The following CNOT4 variants were observed in gnomAD, a reference collection of about 807,000 sequenced individuals.
CNOT4 encodes the protein CCR4-NOT transcription complex subunit 4.
A neutral mutation model predicts 73.8 loss-of-function variants in CNOT4; 8 were observed. The observed-to-expected ratio is 0.11, with a 90% CI of 0.06 to 0.20. CNOT4 has a LOEUF of 0.20. Among genes scored for constraint, CNOT4 ranks in the 10% least tolerant of loss-of-function variants. The probability of loss-of-function intolerance (pLI) is 1.00; values close to 1 mark genes in which losing one functional copy is unlikely to be tolerated. For missense variants in CNOT4, 564 were observed against 883.4 expected (o/e 0.64, Z 4.58); for synonymous variants, 293 against 321.1 (o/e 0.91, Z 0.94).
rs118077316 is a variant in CNOT4, at chr7:135,368,161, G to A, written c.1628-4095C>T. On this transcript the variant is annotated intron_variant, in intron 10 of 11. Transcript: ENST00000541284. ...ACTTTCATATTCCACTGTGTAAGAAGTATCAGTATACTTCATTTACCTGCC... is the reference window on the plus strand; with the variant it reads ...ACTTTCATATTCCACTGTGTAAGAAATATCAGTATACTTCATTTACCTGCC... Among the ~76,000 whole-genome samples, 955 of 152,164 alleles carry A rather than the reference G, an allele frequency of 6.3e-3. 5 individuals are homozygous for A. The highest frequency in any genetic ancestry group is 0.011 in the Non-Finnish European group (740 of 67,994).
chr7:135,488,931 TA>T (rs1483505647), intron 1 of CNOT4, among the ~76,000 whole-genome samples: 2 of 151,858 alleles, frequency 1.3e-5, no homozygotes, highest in Non-Finnish European at 2.9e-5. Context: ...AAAGAGTTTT[TA>T]AAAAAAGGAA....
chr7:135,398,835 G>A (rs1355067638), intron 7 of CNOT4, among the ~76,000 whole-genome samples: 1 of 151,974 alleles, frequency 6.6e-6, no homozygotes, highest in East Asian at 1.9e-4. Context: ...ATTTTTCTGG[G>A]TGTTTGACAG....
chr7:135,460,756 C>T (rs746459495), intron 1 of CNOT4, among the ~76,000 whole-genome samples: 18 of 151,988 alleles, frequency 1.2e-4, no homozygotes, highest in Admixed American at 2.0e-4. Flanking sequence ...AGGGTTGCCA[C>T]AAACCTTCAA....
chr7:135,413,432 T>C (rs1444880496), intron 6 of CNOT4, 56 bp downstream of exon 6: 2 of 1,392,610 alleles, frequency 1.4e-6, no homozygotes, highest in African/African-American at 3.0e-5. Flanking sequence ...TGTTAACTAA[T>C]AAAAAAAAAA....
At chr7:135,428,713 GA>G (rs578026544) in intron 2 of CNOT4, among the ~76,000 whole-genome samples, 4 of 151,266 alleles carry the variant, frequency 2.6e-5, no homozygotes, top group Admixed American at 6.6e-5. Context: ...AGAAGACAGT[GA>G]AAAAAAATCT....
chr7:135,430,484 A>T (rs1018632612), intron 2 of CNOT4, among the ~76,000 whole-genome samples: 1 of 152,002 alleles, frequency 6.6e-6, no homozygotes, highest in African/African-American at 2.4e-5. Flanking sequence ...AAAGACAAAA[A>T]ATTTTTTTTA....
chr7:135,405,945 G>C (rs1185322198), intron 7 of CNOT4, among the ~76,000 whole-genome samples: 2 of 152,112 alleles, frequency 1.3e-5, no homozygotes, highest in African/African-American at 4.8e-5. Flanking sequence ...GGAATGCCAA[G>C]AAATGTGAAA....
intron 1 of CNOT4, among the ~76,000 whole-genome samples, chr7:135,482,084 G>C (rs919235153): frequency 6.6e-6 from 1 of 152,066 alleles, no homozygotes; most frequent in Non-Finnish European, 1.5e-5. Context: ...CTAGAAGAAA[G>C]AATTTTAAAT....
chr7:135,506,124 T>C (rs1804352744), intron 1 of CNOT4, among the ~76,000 whole-genome samples: 1 of 152,216 alleles, frequency 6.6e-6, no homozygotes, highest in African/African-American at 2.4e-5. Flanking sequence ...TATTCAGGAA[T>C]GGATATTTGC....
At chr7:135,439,020 A>G (rs569101454) in intron 1 of CNOT4, among the ~76,000 whole-genome samples, 138 of 152,340 alleles carry the variant, frequency 9.1e-4, no homozygotes, top group African/African-American at 3.1e-3. Flanking sequence ...AAGTATTCCT[A>G]TGGTAATACT....
intron 10 of CNOT4, chr7:135,384,840 G>A: frequency 1.4e-6 from 1 of 695,562 alleles, no homozygotes; most frequent in Non-Finnish European, 2.6e-6. Context: ...GTTGTCAAAT[G>A]TCTTAACACT....
intron 1 of CNOT4, among the ~76,000 whole-genome samples, chr7:135,466,384 G>C (rs1024275880): frequency 2.7e-5 from 4 of 148,516 alleles, no homozygotes; most frequent in African/African-American, 1.0e-4. Flanking sequence ...TGAGGTATGA[G>C]AATCGCCTGA....
intron 1 of CNOT4, among the ~76,000 whole-genome samples, chr7:135,449,276 T>C (rs1800022563): frequency 6.6e-6 from 1 of 152,162 alleles, no homozygotes; most frequent in African/African-American, 2.4e-5. Context: ...GCAGGGGGAT[T>C]CTGAGGTACG....
intron 1 of CNOT4, among the ~76,000 whole-genome samples, chr7:135,487,400 ATTTTT>A (rs896270524): frequency 6.7e-6 from 1 of 150,146 alleles, no homozygotes; most frequent in Non-Finnish European, 1.5e-5. Context: ...CACCCAGATA[ATTTTT>A]TTTTGTAAAT....
intron 1 of CNOT4, among the ~76,000 whole-genome samples, chr7:135,470,571 T>TA (rs34649236): frequency 9.4e-4 from 137 of 145,722 alleles, no homozygotes; most frequent in South Asian, 7.0e-3. Context: ...GACTCTGTCT[T>TA]AAAAAAAAAA....
intron 1 of CNOT4, among the ~76,000 whole-genome samples, chr7:135,470,272 G>C (rs189681012): frequency 6.6e-6 from 1 of 151,746 alleles, no homozygotes; most frequent in Non-Finnish European, 1.5e-5. Context: ...TAGGACCCAC[G>C]GGCACATAAC....
At chr7:135,429,927 G>A (rs991294862) in intron 2 of CNOT4, among the ~76,000 whole-genome samples, 3 of 152,162 alleles carry the variant, frequency 2.0e-5, no homozygotes, top group Non-Finnish European at 4.4e-5. Context: ...AAAATTAGAA[G>A]AGGCTGAGAC....
intron 7 of CNOT4, among the ~76,000 whole-genome samples, chr7:135,406,151 C>T (rs1261815388): frequency 6.6e-6 from 1 of 152,034 alleles, no homozygotes; most frequent in Non-Finnish European, 1.5e-5. Flanking sequence ...GTATGCCTAC[C>T]CTGGGTGATG....
intron 1 of CNOT4, among the ~76,000 whole-genome samples, chr7:135,507,480 C>G (rs1319082581): frequency 1.3e-5 from 2 of 152,006 alleles, no homozygotes; most frequent in Non-Finnish European, 2.9e-5. Context: ...CTTCTTTAAA[C>G]GTACTAAAGA....
Sources: allele counts gnomAD v4.1 joint callset (sites outside exome capture counted in the v4.1 genomes callset), GRCh38; gene constraint gnomAD v4.1.1; transcripts MANE v1.5; gene names NCBI Gene and HGNC (gene_info 2026-07-23, HGNC 2026-07-21).